The following COL5A1 variants were observed in gnomAD, a reference collection of about 807,000 sequenced individuals.
The protein encoded by COL5A1 is collagen type V alpha 1 chain.
A neutral mutation model predicts 263.7 loss-of-function variants in COL5A1; 16 were observed. The observed-to-expected ratio is 0.06, with a 90% CI of 0.04 to 0.09. The LOEUF is 0.09. Among genes scored for constraint, COL5A1 ranks in the 10% least tolerant of loss-of-function variants. The probability of loss-of-function intolerance (pLI) is 1.00; values close to 1 mark genes in which losing one functional copy is unlikely to be tolerated. For missense variants in COL5A1, 2,036 were observed against 2,540.5 expected (o/e 0.80, Z 4.27); for synonymous variants, 1,012 against 1,004.5 (o/e 1.01, Z -0.14).
In COL5A1 at chr9:134,830,007, C is replaced by T. The variant is rs751699482; in HGVS notation, c.5099C>T (p.Pro1700Leu). Residue 1700 changes from proline to leucine, a missense_variant, in exon 64 of 66, where the codon CCG becomes CTG. By Grantham distance (98) the Pro-to-Leu change is moderately conservative. This residue lies in a region of COL5A1 where 358 missense variants were observed against 384.6 expected (regional missense o/e 0.93). Transcript: ENST00000371817. Reference sequence around the variant, plus strand: ...ATCACTTCTTGGCCCAAAGAAAACCCGGGCTCCTGGTTCAGTGAATTCAAG... The same window carrying T: ...ATCACTTCTTGGCCCAAAGAAAACCTGGGCTCCTGGTTCAGTGAATTCAAG... ...ARITSWPKENPGSWFSEFKRG... is the reference protein window; with the variant it reads ...ARITSWPKENLGSWFSEFKRG... 6.8e-6 allele frequency: 11 copies of T among 1,614,002 alleles called. No individual in the cohort carries two copies. The highest frequency in any genetic ancestry group is 4.5e-5 in the East Asian group (2 of 44,880).
At chr9:134,760,090 G>A (rs1369810977) in intron 18 of COL5A1, among the ~76,000 whole-genome samples, 81 of 31,758 alleles carry the variant, frequency 2.6e-3, no homozygotes, top group Middle Eastern at 0.025. Context: ...ACGCATACAC[G>A]CCCACACACC....
intron 60 of COL5A1, 102 bp from the exon 61 acceptor site, chr9:134,823,314 C>A: frequency 7.6e-7 from 1 of 1,310,358 alleles, no homozygotes; most frequent in Non-Finnish European, 1.1e-6. Flanking sequence ...ATAGGGCCAC[C>A]TCCCCCACAT....
intron 4 of COL5A1, among the ~76,000 whole-genome samples, chr9:134,709,402 C>A (rs1281578423): frequency 6.6e-6 from 1 of 152,180 alleles, no homozygotes; most frequent in East Asian, 1.9e-4. Context: ...CTGGCTGGAG[C>A]CAGTGTGCAG....
intron 61 of COL5A1, among the ~76,000 whole-genome samples, chr9:134,824,111 T>C (rs902786291): frequency 1.3e-5 from 2 of 152,172 alleles, no homozygotes; most frequent in Admixed American, 6.5e-5. Context: ...AGTGCACTAT[T>C]GGACACCCCC....
intron 18 of COL5A1, among the ~76,000 whole-genome samples, chr9:134,761,012 A>G (rs1406479404): frequency 1.4e-5 from 2 of 147,828 alleles, no homozygotes; most frequent in East Asian, 4.1e-4. Context: ...CACACCAGCC[A>G]CACACGCATA....
rs1834697051 is a variant in COL5A1 at position 134,727,254 on chromosome 9, C to T, written c.655-12C>T. The T allele has an allele frequency of 6.2e-7, 1 of 1,613,398 alleles. No individual in the cohort carries two copies. The highest frequency in any genetic ancestry group is 1.3e-5 in the African/African-American group (1 of 74,982). ...GTGAGCTGCTTTTTCATGAGCGTCTCTTCTTTTCCAGGGTGACATCCAGCA... is the reference window on the plus strand; with the variant it reads ...GTGAGCTGCTTTTTCATGAGCGTCTTTTCTTTTCCAGGGTGACATCCAGCA... On this transcript the variant is annotated splice_polypyrimidine_tract_variant and intron_variant, in intron 4 of 65. Transcript: ENST00000371817.
Position 134,805,157 on chromosome 9 carries a change from G to T in COL5A1, c.3205-4G>T. 6.2e-7 allele frequency: 1 copy of T among 1,614,040 alleles called. No homozygotes were observed. The highest frequency in any genetic ancestry group is 8.5e-7 in the Non-Finnish European group (1 of 1,180,014). On this transcript the variant is annotated splice_polypyrimidine_tract_variant and splice_region_variant and intron_variant, in intron 40 of 65. Coordinates refer to ENST00000371817, the MANE Select transcript of COL5A1 (RefSeq NM_000093.5). ...CCTTGACCAACCTTTTCATGGCTTTGCAGGGAGCTCTTGGACTGAAAGGCA... is the reference window on the plus strand; with the variant it reads ...CCTTGACCAACCTTTTCATGGCTTTTCAGGGAGCTCTTGGACTGAAAGGCA...
chr9:134,726,232 G>A (rs1348058018), intron 4 of COL5A1, among the ~76,000 whole-genome samples: 1 of 152,182 alleles, frequency 6.6e-6, no homozygotes, highest in African/African-American at 2.4e-5. Context: ...ACAGGTGTCT[G>A]GTAAATGGAT....
intron 1 of COL5A1, among the ~76,000 whole-genome samples, chr9:134,690,178 C>T (rs1400551496): frequency 3.3e-5 from 5 of 152,120 alleles, no homozygotes; most frequent in African/African-American, 1.2e-4. Flanking sequence ...GGAAGGGATG[C>T]GGGGGCTGCC....
At chr9:134,717,097 T>G (rs535678774) in intron 4 of COL5A1, among the ~76,000 whole-genome samples, 1 of 150,364 alleles carries the variant, frequency 6.7e-6, no homozygotes, top group Admixed American at 6.6e-5. Context: ...AAAGCGAGAT[T>G]GTAAATGTGA....
intron 1 of COL5A1, among the ~76,000 whole-genome samples, chr9:134,656,557 G>T (rs576682043): frequency 5.9e-5 from 9 of 152,266 alleles, no homozygotes; most frequent in Admixed American, 2.6e-4. Context: ...AAGCAATACT[G>T]GTGTGGATGC....
At chr9:134,760,879 G>A (rs531400606) in intron 18 of COL5A1, among the ~76,000 whole-genome samples, 32 of 111,136 alleles carry the variant, frequency 2.9e-4, no homozygotes, top group Non-Finnish European at 3.6e-4. Context: ...GCACACAGAC[G>A]CATACATACC....
At chr9:134,803,113 A>C in intron 39 of COL5A1, 118 bp downstream of exon 39, 19 of 854,530 alleles carry the variant, frequency 2.2e-5, no homozygotes, top group Non-Finnish European at 3.5e-5. Flanking sequence ...GACGCTTCTC[A>C]TGCCGGTTCA....
Position 134,652,352 on chromosome 9 carries a change from G to A in COL5A1, c.109+10056G>A, listed in dbSNP as rs1030334257. Among the ~76,000 whole-genome samples the A allele has an allele frequency of 6.6e-6, 1 of 151,774 alleles. No homozygotes were observed. Among genetic ancestry groups the A allele is most frequent in the Admixed American group, 6.6e-5 (1 of 15,252 alleles). On this transcript the variant is annotated intron_variant, in intron 1 of 65. Transcript: ENST00000371817. The surrounding 1 kb of genome is among the most constrained non-coding windows in gnomAD (Gnocchi z 4.4). ...GACCCAGTGTAACACGGCTCTGCTG[G>A]GTGGGGCAAGGAGATGCCCCAGGTG... is the stretch of plus-strand genomic sequence containing the variant.
intron 64 of COL5A1, among the ~76,000 whole-genome samples, chr9:134,831,039 C>T (rs889086448): frequency 2.0e-5 from 3 of 152,164 alleles, no homozygotes; most frequent in Admixed American, 1.3e-4. Context: ...ATCCAGTGGC[C>T]CCACTCCCAG....
intron 36 of COL5A1, among the ~76,000 whole-genome samples, chr9:134,797,491 T>TG (rs1199629637): frequency 6.6e-6 from 1 of 151,460 alleles, no homozygotes; most frequent in African/African-American, 2.4e-5. Context: ...TCTTTCTTTT[T>TG]TTGTTTTTTG....
chr9:134,753,942 T>G, intron 15 of COL5A1, 39 bp downstream of exon 15: 1 of 1,568,430 alleles, frequency 6.4e-7, no homozygotes, highest in Non-Finnish European at 8.8e-7. Context: ...GGTGGGCGCC[T>G]CCCGTTCTCC....
chr9:134,708,372 G>A, intron 4 of COL5A1: 1 of 343,978 alleles, frequency 2.9e-6, no homozygotes, highest in Non-Finnish European at 5.7e-6. Context: ...CCAAGTCCCT[G>A]CTGCTGCCTG....
In COL5A1 at chr9:134,709,902, C is replaced by T. The variant is rs573434469; in HGVS notation, c.654+8569C>T. Reference sequence around the variant, plus strand: ...GGAGTGCCCAGGGCAGGCAGGGCTGCGGTGGAGGGGGAGCAAAGGGGCAGG... The same window carrying T: ...GGAGTGCCCAGGGCAGGCAGGGCTGTGGTGGAGGGGGAGCAAAGGGGCAGG... On this transcript the variant is annotated intron_variant, in intron 4 of 65. Coordinates refer to ENST00000371817, the MANE Select transcript of COL5A1 (RefSeq NM_000093.5). Among the ~76,000 whole-genome samples, 24 of 152,210 alleles carry T rather than the reference C, an allele frequency of 1.6e-4. No individual in the cohort carries two copies. The East Asian group carries it at 2.5e-3, about 16-fold the overall frequency.
Sources: gnomAD v4.1 joint callset for allele counts (sites outside exome capture counted in the v4.1 genomes callset) on GRCh38, gnomAD v4.1.1 for gene constraint, gnomAD v4.1.1 regional missense constraint, Gnocchi (gnomAD v3.1) non-coding constraint, MANE v1.5 for transcripts, NCBI Gene and HGNC (gene_info 2026-07-23, HGNC 2026-07-21) for gene names.